PAPPA: variants seen among roughly 807,000 people sequenced by gnomAD.
PAPPA encodes the protein pappalysin 1.
In PAPPA, 60 loss-of-function variants were observed where a neutral mutation model predicts 164.0. The ratio of observed to expected loss-of-function variants is 0.37; its 90% CI spans 0.30 to 0.45. The LOEUF (loss-of-function observed/expected upper bound fraction) is 0.45, where lower values mean the gene tolerates loss of function less well. Ranked by LOEUF, PAPPA falls within the 20% of genes least tolerant of loss-of-function variation. The probability of loss-of-function intolerance (pLI) is 1.00; values close to 1 mark genes in which losing one functional copy is unlikely to be tolerated. For missense variants in PAPPA, 1,782 were observed against 2,087.3 expected (o/e 0.85, Z 2.85); for synonymous variants, 875 against 814.1 (o/e 1.07, Z -1.27).
chr9:116,259,057 TG>T (rs1269101968), intron 7 of PAPPA, among the ~76,000 whole-genome samples: 1 of 151,824 alleles, frequency 6.6e-6, no homozygotes, highest in Non-Finnish European at 1.5e-5. Context: ...TGCTTGAACA[TG>T]GGAGACAGAG....
intron 2 of PAPPA, among the ~76,000 whole-genome samples, chr9:116,195,599 T>A (rs1415233994): frequency 3.3e-5 from 5 of 152,162 alleles, no homozygotes. Context: ...CATTGGGTGG[T>A]TTAGAGGATT....
intron 2 of PAPPA, among the ~76,000 whole-genome samples, chr9:116,205,874 C>T (rs907120016): frequency 3.9e-5 from 6 of 152,124 alleles, no homozygotes; most frequent in Admixed American, 2.6e-4. Context: ...GTGGCCCAGA[C>T]ATAAAGTGGA....
intron 10 of PAPPA, among the ~76,000 whole-genome samples, chr9:116,327,755 A>C (rs1845939432): frequency 6.6e-6 from 1 of 152,166 alleles, no homozygotes. Context: ...ATGGCTGCTG[A>C]ATGAGCAGAT....
intron 7 of PAPPA, among the ~76,000 whole-genome samples, chr9:116,251,784 G>A (rs1844862908): frequency 6.6e-6 from 1 of 152,158 alleles, no homozygotes; most frequent in Admixed American, 6.5e-5. Context: ...AAAAACAAGA[G>A]TTCTTTGTAG....
intron 2 of PAPPA, among the ~76,000 whole-genome samples, chr9:116,199,011 A>C (rs1389254894): frequency 1.3e-5 from 2 of 152,204 alleles, no homozygotes; most frequent in East Asian, 3.9e-4. Context: ...TTGCTGCAGA[A>C]GTAATTGTGG....
intron 7 of PAPPA, among the ~76,000 whole-genome samples, chr9:116,243,257 C>T (rs1166440620): frequency 2.0e-5 from 3 of 152,220 alleles, no homozygotes; most frequent in Non-Finnish European, 4.4e-5. Flanking sequence ...GTAACAAAAA[C>T]CAGCCCGGTT....
chr9:116,154,240 A>T lies in PAPPA; in HGVS notation c.68A>T (p.Glu23Val), dbSNP rs866169067. Residue 23 changes from glutamate (E) to valine (V), a missense_variant, in exon 1 of 22, where the codon GAG (glutamate) becomes GTG (valine). This residue lies in a region of PAPPA where 458 missense variants were observed against 430.3 expected (regional missense o/e 1.06). Transcript: ENST00000328252. The surrounding 1 kb of genome is among the most constrained non-coding windows in gnomAD (Gnocchi z 5.2). ...GCCGCGCTGGGCTGCGGGCTGGCCG[A>T]GCGTCCCCGCCGGGCCCGGAGAGAC... is the stretch of plus-strand genomic sequence containing the variant. ...LSAALGCGLA[E>V]RPRRARRDPR... 1.3e-5 allele frequency: 19 copies of T among 1,411,110 alleles called. No homozygotes were observed. Among genetic ancestry groups the T allele is most frequent in the Non-Finnish European group, 1.1e-5 (12 of 1,076,110 alleles). 87.4% of individuals were successfully genotyped at this position (1,411,110 alleles called of 1,614,324 possible).
chr9:116,246,045 T>C (rs1431364923), intron 7 of PAPPA, among the ~76,000 whole-genome samples: 2 of 152,214 alleles, frequency 1.3e-5, no homozygotes, highest in Admixed American at 1.3e-4. Flanking sequence ...GTAGTTAACA[T>C]AACCCTTCCT....
At chr9:116,178,561 T>G (rs1843863986) in intron 1 of PAPPA, among the ~76,000 whole-genome samples, 1 of 152,234 alleles carries the variant, frequency 6.6e-6, no homozygotes, top group Non-Finnish European at 1.5e-5. Context: ...GAGGAAACTA[T>G]CAAGGAGATA....
chr9:116,154,596 G>A lies in PAPPA; in HGVS notation c.415+9G>A. 7.4e-7 allele frequency: 1 copy of A among 1,342,400 alleles called. No homozygotes were observed. The highest frequency in any genetic ancestry group is 9.5e-7 in the Non-Finnish European group (1 of 1,048,154). 83.2% of individuals were successfully genotyped at this position (1,342,400 alleles called of 1,614,324 possible). On this transcript the variant is annotated intron_variant, in intron 1 of 21. Transcript: ENST00000328252. The surrounding 1 kb of genome is among the most constrained non-coding windows in gnomAD (Gnocchi z 5.2). ...TCCGGCAGTGATCACAGGTAGGTGA[G>A]GGCGCCTCGGCGGGCGCTGCACCGT...
At chr9:116,179,287 C>A (rs1347916141) in intron 1 of PAPPA, among the ~76,000 whole-genome samples, 1 of 152,154 alleles carries the variant, frequency 6.6e-6, no homozygotes, top group Non-Finnish European at 1.5e-5. Flanking sequence ...AGAATACAGG[C>A]AGGAGAACAG....
Position 116,175,023 on chromosome 9 carries a change from TGAGA to T in PAPPA, c.416-12125_416-12122del, listed in dbSNP as rs1281799942. 4.6e-5 allele frequency among the ~76,000 whole-genome samples: 7 copies of T among 152,314 alleles called. No individual in the cohort carries two copies. The East Asian group carries it at 1.2e-3, about 25-fold the overall frequency. On this transcript the variant is annotated intron_variant, in intron 1 of 21. Coordinates refer to ENST00000328252, the MANE Select transcript of PAPPA (RefSeq NM_002581.5). The stretch of plus-strand genomic sequence containing the variant: ...TTTCACAAATAAGAAAACGGACACC[TGAGA>T]GAGAGTGTGACTTGCCTAAGGTCTC...
At chr9:116,229,631 T>C (rs1844560195) in intron 6 of PAPPA, among the ~76,000 whole-genome samples, 1 of 152,176 alleles carries the variant, frequency 6.6e-6, no homozygotes, top group African/African-American at 2.4e-5. Context: ...GGGTTTGGAT[T>C]CACAGCAAGG....
chr9:116,231,589 T>C (rs1352955369), intron 6 of PAPPA, among the ~76,000 whole-genome samples: 1 of 152,030 alleles, frequency 6.6e-6, no homozygotes, highest in East Asian at 1.9e-4. Flanking sequence ...GCTTATTCTC[T>C]TGGAGCCTAG....
intron 9 of PAPPA, among the ~76,000 whole-genome samples, chr9:116,300,300 C>G (rs1417714822): frequency 2.0e-5 from 3 of 149,160 alleles, no homozygotes; most frequent in East Asian, 2.0e-4. Flanking sequence ...TTTTTTCAGA[C>G]AGGGTCTTGC....
rs201106297 is a variant in PAPPA, at chr9:116,187,814, A to T, written c.1076A>T (p.Asn359Ile). The change falls in exon 2 of 22, where the codon AAC becomes ATC. Residue 359 changes from asparagine (N) to isoleucine (I), a missense_variant. Around this residue, in one of 2 missense-constraint regions of PAPPA, gnomAD observed 1,324 missense variants for 1,656.9 expected, o/e 0.80. Coordinates refer to ENST00000328252, the MANE Select transcript of PAPPA (RefSeq NM_002581.5). This position sits in a 1 kb window ranked among gnomAD's most constrained non-coding sequence, Gnocchi z 4.2. ...QPKVVRYRVV[N>I]LYEDDHKNPT... ...AAGGTGGTGCGCTACCGCGTGGTCA[A>T]CCTCTATGAAGATGATCATAAGAAC... is the stretch of plus-strand genomic sequence containing the variant. 7 of 1,614,220 alleles carry T rather than the reference A, an allele frequency of 4.3e-6. No individual in the cohort carries two copies. The Admixed American group carries it at 6.7e-5, about 15-fold the overall frequency.
At chr9:116,344,847 T>C in intron 14 of PAPPA, 136 bp downstream of exon 14, 1 of 690,926 alleles carries the variant, frequency 1.4e-6, no homozygotes, top group Non-Finnish European at 2.4e-6. Flanking sequence ...TAAATATTTA[T>C]TGATTAAATG....
intron 1 of PAPPA, among the ~76,000 whole-genome samples, chr9:116,161,725 G>A (rs1461317683): frequency 6.7e-6 from 1 of 149,068 alleles, no homozygotes; most frequent in Non-Finnish European, 1.5e-5. Context: ...AAAAAAAAAA[G>A]GTTCTGGGGG....
At chr9:116,193,543 G>A (rs1375018196) in intron 2 of PAPPA, among the ~76,000 whole-genome samples, 1 of 152,094 alleles carries the variant, frequency 6.6e-6, no homozygotes, top group Admixed American at 6.5e-5. Flanking sequence ...CATTGAGAGG[G>A]GGGCTGAGCT....
Sources: allele counts gnomAD v4.1 joint callset (sites outside exome capture counted in the v4.1 genomes callset), GRCh38; gene constraint gnomAD v4.1.1; regional missense constraint gnomAD v4.1.1; non-coding constraint Gnocchi (gnomAD v3.1); transcripts MANE v1.5; gene names NCBI Gene and HGNC (gene_info 2026-07-23, HGNC 2026-07-21).